The following BACH2 variants were observed in gnomAD, a reference collection of about 807,000 sequenced individuals.
BACH2 encodes BACH transcriptional regulator 2, also known as transcription regulator protein BACH2.
A neutral mutation model predicts 61.8 loss-of-function variants in BACH2; 5 were observed. The observed-to-expected ratio is 0.08, with a 90% CI of 0.04 to 0.17. The LOEUF (loss-of-function observed/expected upper bound fraction) is 0.17, where lower values mean the gene tolerates loss of function less well. BACH2 is among the 10% of genes least tolerant of loss of function. BACH2 has a pLI of 1.00. For missense variants in BACH2, 824 were observed against 1,091.1 expected (o/e 0.76, Z 3.45); for synonymous variants, 446 against 440.1 (o/e 1.01, Z -0.17).
rs111476342 is a variant in BACH2 at position 90,080,731 on chromosome 6, G to A, written c.-13+8230C>T. The A allele has an allele frequency of 2.6e-4, 251 of 982,804 alleles. No individual in the cohort carries two copies. In the African/African-American group the frequency reaches 4.0e-3, roughly 16 times the overall value. 60.9% of individuals were successfully genotyped at this position (982,804 alleles called of 1,614,324 possible). Reference sequence around the variant, plus strand: ...TCAGAATCATTAGGAAACAAAAGGCGTCAACCCTGAGAAAGGCATCTTTAC... The same window carrying A: ...TCAGAATCATTAGGAAACAAAAGGCATCAACCCTGAGAAAGGCATCTTTAC... On this transcript the variant is annotated intron_variant, in intron 5 of 8. Transcript: ENST00000257749.
intron 4 of BACH2, among the ~76,000 whole-genome samples, chr6:90,159,126 G>C (rs1159185989): frequency 6.6e-6 from 1 of 152,154 alleles, no homozygotes; most frequent in Non-Finnish European, 1.5e-5. Context: ...AGATAAACTT[G>C]TCTCTTTTGA....
rs1380088946 is a variant in BACH2, at chr6:90,296,464, G to A, written c.-446+16C>T. 6.6e-6 allele frequency: 1 copy of A among 150,712 alleles called. No homozygotes were observed. Among genetic ancestry groups the A allele is most frequent in the Non-Finnish European group, 1.5e-5 (1 of 67,450 alleles). The allele number at this position is 150,712 out of a possible 1,614,324, so 9.3% of individuals were successfully genotyped here. A position where few individuals can be genotyped will look rare whatever the true frequency, so the allele number is the denominator to read the frequency against. ...CGCCCAGCGGCGGGGCCCGGGGCCC[G>A]GGGCCCGGGACTCACCTCGCCGGAG... is the stretch of plus-strand genomic sequence containing the variant. On this transcript the variant is annotated intron_variant, in intron 1 of 8. Coordinates refer to ENST00000257749, the MANE Select transcript of BACH2 (RefSeq NM_021813.4).
intron 6 of BACH2, among the ~76,000 whole-genome samples, chr6:89,978,633 T>TAAAAAAAAAA (rs753724278): frequency 3.5e-5 from 3 of 86,032 alleles, no homozygotes; most frequent in Admixed American, 1.4e-4. Context: ...GTGTTGGCTT[T>TAAAAAAAAAA]AAAAAAAAAA....
chr6:89,950,795 A>G lies in BACH2; in HGVS notation c.1311T>C (p.Ala437=), dbSNP rs763124439. 40 of 1,614,010 alleles carry G rather than the reference A, an allele frequency of 2.5e-5. No homozygotes were observed. The highest frequency in any genetic ancestry group is 2.6e-5 in the Non-Finnish European group (31 of 1,180,026). The change falls in exon 7 of 9, where the codon GCT becomes GCC. Residue 437 remains alanine, a synonymous_variant. Transcript: ENST00000257749. The surrounding 1 kb of genome is among the most constrained non-coding windows in gnomAD (Gnocchi z 5.3). The stretch of plus-strand genomic sequence containing the variant: ...GCACCGAGGTGCTCACTTGGTCACA[A>G]GCGCTGGAGGAGAAGATCACGCTCC... ...DRRSVIFSSS[A]CDQVSTSVHS...
Position 90,008,452 on chromosome 6 carries a change from AACTG to A in BACH2, c.243+146_243+149del. On this transcript the variant is annotated intron_variant, in intron 6 of 8. Coordinates refer to ENST00000257749, the MANE Select transcript of BACH2 (RefSeq NM_021813.4). This position sits in a 1 kb window ranked among gnomAD's most constrained non-coding sequence, Gnocchi z 4.1. ...TGAGACTTTAAGTGTATCAAATAGA[AACTG>A]ACTATGCCACAGACCTAACATGTGA... is the stretch of plus-strand genomic sequence containing the variant. The A allele has an allele frequency of 1.1e-6, 1 of 941,540 alleles. No individual in the cohort carries two copies. The highest frequency in any genetic ancestry group is 1.7e-5 in the South Asian group (1 of 59,518). 58.3% of individuals were successfully genotyped at this position (941,540 alleles called of 1,614,324 possible). A position where few individuals can be genotyped will look rare whatever the true frequency, so the allele number is the denominator to read the frequency against.
intron 3 of BACH2, among the ~76,000 whole-genome samples, chr6:90,225,614 GA>G (rs1179676225): frequency 2.0e-5 from 3 of 152,098 alleles, no homozygotes; most frequent in African/African-American, 7.2e-5. Context: ...GAGCCTGTTA[GA>G]GGGGGGTGGG....
intron 6 of BACH2, among the ~76,000 whole-genome samples, chr6:89,969,939 G>T (rs1226771505): frequency 1.3e-5 from 2 of 152,148 alleles, no homozygotes; most frequent in African/African-American, 4.8e-5. Flanking sequence ...TAGAGTAAGA[G>T]AATTTTAGAT....
rs759479274 is a variant in BACH2, at chr6:90,063,683, A to G, written c.-13+25278T>C. Among the ~76,000 whole-genome samples the G allele has an allele frequency of 3.3e-4, 50 of 152,058 alleles. 1 individual carries two copies. Among genetic ancestry groups the G allele is most frequent in the Non-Finnish European group, 7.2e-4 (49 of 67,988 alleles). Reference sequence around the variant, plus strand: ...AGCATTGGAGCCCTTTTGAACTTCAATTTTTTCCTCTGTAAAATGGGAATA... The same window carrying G: ...AGCATTGGAGCCCTTTTGAACTTCAGTTTTTTCCTCTGTAAAATGGGAATA... On this transcript the variant is annotated intron_variant, in intron 5 of 8. Coordinates refer to ENST00000257749, the MANE Select transcript of BACH2 (RefSeq NM_021813.4).
chr6:90,250,610 A>G (rs673780), intron 3 of BACH2, among the ~76,000 whole-genome samples: 101,753 of 152,016 alleles, frequency 0.67, 35,200 homozygotes, highest in African/African-American at 0.85. Flanking sequence ...TCCCTGCCCC[A>G]ATGGTGCTTG....
intron 3 of BACH2, among the ~76,000 whole-genome samples, chr6:90,224,840 T>C (rs1484288580): frequency 2.0e-5 from 3 of 152,148 alleles, no homozygotes; most frequent in African/African-American, 7.2e-5. Flanking sequence ...ATTCCCAAAC[T>C]TCAGCCCAGG....
At chr6:90,140,529 G>C (rs1582411590) in intron 4 of BACH2, among the ~76,000 whole-genome samples, 1 of 152,148 alleles carries the variant, frequency 6.6e-6, no homozygotes, top group Non-Finnish European at 1.5e-5. Flanking sequence ...ATGATTTAAT[G>C]TCATTCACAG....
At chr6:90,044,141 A>G (rs1171725576) in intron 5 of BACH2, among the ~76,000 whole-genome samples, 1 of 152,188 alleles carries the variant, frequency 6.6e-6, no homozygotes, top group Non-Finnish European at 1.5e-5. Context: ...CAATATACAC[A>G]CAAACGAATG....
intron 6 of BACH2, among the ~76,000 whole-genome samples, chr6:90,006,611 C>T (rs552269700): frequency 2.9e-4 from 44 of 152,148 alleles, no homozygotes; most frequent in Non-Finnish European, 5.6e-4. Flanking sequence ...TTATGCAGTC[C>T]TTATTTATTT....
intron 6 of BACH2, among the ~76,000 whole-genome samples, chr6:90,005,979 T>C (rs1250869495): frequency 1.3e-5 from 2 of 152,260 alleles, no homozygotes; most frequent in Non-Finnish European, 2.9e-5. Context: ...AAAGGCCAAA[T>C]AGATTTTTGT....
At chr6:90,258,251 C>T (rs633833) in intron 2 of BACH2, among the ~76,000 whole-genome samples, 1,853 of 152,136 alleles carry the variant, frequency 0.012, 24 homozygotes, top group African/African-American at 0.042. Flanking sequence ...ATGTGGTATA[C>T]GATAACAGTC....
intron 5 of BACH2, among the ~76,000 whole-genome samples, chr6:90,047,423 G>C (rs1779839175): frequency 6.6e-6 from 1 of 152,150 alleles, no homozygotes; most frequent in Admixed American, 6.5e-5. Context: ...TGGAAAGGCT[G>C]AGGCAGGCAA....
At chr6:90,260,499 T>A (rs200643456) in intron 2 of BACH2, among the ~76,000 whole-genome samples, 1 of 152,216 alleles carries the variant, frequency 6.6e-6, no homozygotes, top group East Asian at 1.9e-4. Context: ...ATGTATACTC[T>A]AGAAAAACTT....
chr6:90,218,326 C>G (rs1350048578), intron 3 of BACH2: 1 of 152,176 alleles, frequency 6.6e-6, no homozygotes, highest in Non-Finnish European at 1.5e-5. Flanking sequence ...GAGGCGCCGT[C>G]CTCGCCTGGC....
intron 1 of BACH2, among the ~76,000 whole-genome samples, chr6:90,284,952 G>C (rs181401012): frequency 6.6e-6 from 1 of 152,146 alleles, no homozygotes; most frequent in Non-Finnish European, 1.5e-5. Context: ...AGCTGCTTCA[G>C]AATGCTTATT....
Sources: allele counts gnomAD v4.1 joint callset (sites outside exome capture counted in the v4.1 genomes callset), GRCh38; gene constraint gnomAD v4.1.1; non-coding constraint Gnocchi (gnomAD v3.1); transcripts MANE v1.5; gene names NCBI Gene and HGNC (gene_info 2026-07-23, HGNC 2026-07-21).